Variants in TEX2 observed in about 807,000 individuals in gnomAD.
The protein encoded by TEX2 is testis expressed 2.
TEX2 carries 53 observed loss-of-function variants against 106.9 expected under a neutral mutation model. The observed-to-expected ratio is 0.50, with a 90% CI of 0.40 to 0.62. TEX2 has a LOEUF of 0.62. TEX2 is among the 20% of genes least tolerant of loss of function. The pLI is 0.00. For synonymous variants in TEX2, 523 were observed against 534.8 expected (o/e 0.98, Z 0.30); for missense variants, 1,207 against 1,379.0 (o/e 0.88, Z 1.98).
intron 1 of TEX2, among the ~76,000 whole-genome samples, chr17:64,222,432 C>T (rs537100982): frequency 5.3e-5 from 8 of 150,058 alleles, no homozygotes; most frequent in Non-Finnish European, 8.9e-5. Flanking sequence ...GGAGGAGAAT[C>T]GCTTTAACCT....
chr17:64,242,883 G>A (rs1555635891), intron 1 of TEX2, among the ~76,000 whole-genome samples: 1 of 151,590 alleles, frequency 6.6e-6, no homozygotes, highest in Admixed American at 6.6e-5. Flanking sequence ...GCCAGAGTTT[G>A]AGACTAGCCT....
rs1254834014 is a variant in TEX2, at chr17:64,153,509, C to T, written c.2931-355G>A. Among the ~76,000 whole-genome samples, 1 of 152,188 alleles carries T rather than the reference C, an allele frequency of 6.6e-6. No homozygotes were observed. Among genetic ancestry groups the T allele is most frequent in the Admixed American group, 6.5e-5 (1 of 15,274 alleles). ...TGACAATGGAGAGCTGGACAAAGTC[C>T]TCATGCAGAGGTTTCTCACCTGTCC... is the stretch of plus-strand genomic sequence containing the variant. On this transcript the variant is annotated intron_variant, in intron 9 of 11. Transcript: ENST00000584379. The surrounding 1 kb of genome is among the most constrained non-coding windows in gnomAD (Gnocchi z 4.1).
At chr17:64,247,864 A>C (rs536435308) in intron 1 of TEX2, among the ~76,000 whole-genome samples, 1 of 152,316 alleles carries the variant, frequency 6.6e-6, no homozygotes, top group Admixed American at 6.5e-5. Context: ...TCAAGGAGAC[A>C]CAGATATTTC....
intron 2 of TEX2, among the ~76,000 whole-genome samples, chr17:64,208,927 AG>A (rs1376353241): frequency 1.3e-5 from 2 of 152,180 alleles, no homozygotes; most frequent in African/African-American, 2.4e-5. Context: ...ATGCCCAGCT[AG>A]GGATTTCTTT....
intron 2 of TEX2, among the ~76,000 whole-genome samples, chr17:64,203,785 C>G (rs141600644): frequency 1.5e-4 from 23 of 152,244 alleles, no homozygotes; most frequent in African/African-American, 5.3e-4. Context: ...GGGAGGGAAG[C>G]GCCGTTAATA....
rs534450978 is a variant in TEX2 at position 64,157,616 on chromosome 17, T to C, written c.2805-2649A>G. On this transcript the variant is annotated intron_variant, in intron 8 of 11. Transcript: ENST00000584379. ...AATTAAATTAAGAAGCCCTGTGAGA[T>C]GTTTGCTTTGAGGGAGACCACACTC... Among the ~76,000 whole-genome samples the C allele has an allele frequency of 2.3e-3, 347 of 152,338 alleles. 2 individuals carry two copies. The highest frequency in any genetic ancestry group is 8.0e-3 in the African/African-American group (334 of 41,582).
chr17:64,174,051 T>C (rs2031523465), intron 6 of TEX2, among the ~76,000 whole-genome samples: 1 of 152,124 alleles, frequency 6.6e-6, no homozygotes, highest in African/African-American at 2.4e-5. Flanking sequence ...CTTACTATGT[T>C]GCCTAGTCTG....
intron 1 of TEX2, among the ~76,000 whole-genome samples, chr17:64,243,178 C>T (rs1004577820): frequency 1.3e-5 from 2 of 152,110 alleles, no homozygotes; most frequent in East Asian, 1.9e-4. Context: ...CCGCCTGCCT[C>T]GGCCTCTCAA....
chr17:64,203,907 T>G (rs1179957185), intron 2 of TEX2, among the ~76,000 whole-genome samples: 1 of 152,206 alleles, frequency 6.6e-6, no homozygotes, highest in East Asian at 1.9e-4. Context: ...TATCCTCCAG[T>G]GCAGAATCTC....
chr17:64,239,875 C>CAAAA lies in TEX2; in HGVS notation c.-26+23289_-26+23292dup, dbSNP rs61705973. ...TGGACAACAGAGTGAGACTCTGTCT[C>CAAAA]AAAAAAAAAAAAAAAAAAAAAAAAA... On this transcript the variant is annotated intron_variant, in intron 1 of 11. Coordinates refer to ENST00000584379, the MANE Select transcript of TEX2 (RefSeq NM_001288732.2). Among the ~76,000 whole-genome samples the CAAAA allele has an allele frequency of 1.3e-4, 4 of 29,650 alleles. 1 individual carries two copies. Among genetic ancestry groups the CAAAA allele is most frequent in the Admixed American group, 5.9e-4 (1 of 1,692 alleles). The allele number at this position is 29,650 out of a possible 152,430, so 19.5% of individuals were successfully genotyped here.
chr17:64,152,723 T>C (rs1205895193), intron 10 of TEX2, among the ~76,000 whole-genome samples: 1 of 152,182 alleles, frequency 6.6e-6, no homozygotes. Context: ...TGACTTTAAC[T>C]TTTCCTACCA....
rs1485039898 is a variant in TEX2, at chr17:64,150,897, C to A, written c.3205G>T (p.Val1069Leu). 1.2e-6 allele frequency: 2 copies of A among 1,613,924 alleles called. No individual in the cohort carries two copies. The highest frequency in any genetic ancestry group is 3.3e-5 in the Admixed American group (2 of 59,960). Reference sequence around the variant, plus strand: ...CAGTCTGTCACATGAACTAAAGTCACTTCTCTCTCTCCAAGTTTTGGCCGA... The same window carrying A: ...CAGTCTGTCACATGAACTAAAGTCAATTCTCTCTCTCCAAGTTTTGGCCGA... ...KARPKLGERE[V>L]TLVHVTDWIE... Residue 1069 changes from valine (V) to leucine (L), a missense_variant, in exon 11 of 12, where the codon GTG becomes TTG. Val to Leu is a conservative substitution (Grantham distance 32). Transcript: ENST00000584379.
intron 5 of TEX2, 53 bp downstream of exon 5, chr17:64,188,115 A>T: frequency 1.3e-6 from 2 of 1,576,586 alleles, no homozygotes; most frequent in Non-Finnish European, 1.7e-6. Context: ...ACGCATGAAG[A>T]AATGTGTCTA....
intron 6 of TEX2, among the ~76,000 whole-genome samples, chr17:64,176,246 T>C (rs1306879331): frequency 2.6e-5 from 4 of 152,154 alleles, no homozygotes; most frequent in African/African-American, 9.7e-5. Flanking sequence ...CAGCCAGAGC[T>C]TGACAAGGCC....
At chr17:64,154,794 G>T in intron 9 of TEX2, 48 bp downstream of exon 9, 1 of 1,514,498 alleles carries the variant, frequency 6.6e-7, no homozygotes, top group Non-Finnish European at 8.9e-7. Flanking sequence ...CCAACTTGCT[G>T]TCCTGATCCC....
At chr17:64,214,506 A>AT (rs1555632368) in intron 1 of TEX2, among the ~76,000 whole-genome samples, 1 of 152,178 alleles carries the variant, frequency 6.6e-6, no homozygotes, top group South Asian at 2.1e-4. Flanking sequence ...CTGAGTAATC[A>AT]TTTCCTCCCT....
intron 4 of TEX2, among the ~76,000 whole-genome samples, chr17:64,192,413 C>A (rs2032332498): frequency 6.6e-6 from 1 of 152,176 alleles, no homozygotes. Context: ...CGGCTGCGGG[C>A]CAAGTATTGA....
chr17:64,173,519 T>C (rs1242733732), intron 6 of TEX2, among the ~76,000 whole-genome samples: 1 of 152,170 alleles, frequency 6.6e-6, no homozygotes, highest in Non-Finnish European at 1.5e-5. Context: ...GAGAATGTAA[T>C]CTCTGATTTT....
Position 64,188,353 on chromosome 17 carries a change from T to TGCTGCG in TEX2, c.2233_2238dup (p.Arg745_Ser746dup), listed in dbSNP as rs2032159827. 3 of 1,614,084 alleles carry TGCTGCG rather than the reference T, an allele frequency of 1.9e-6. No individual in the cohort carries two copies. The highest frequency in any genetic ancestry group is 2.5e-6 in the Non-Finnish European group (3 of 1,180,044). ...ATCTCCTCCACACTGCCTTTGCTGC[T>TGCTGCG]GCTGCGGCTGTGGGTCAGGTGCCCG... On this transcript the variant is annotated inframe_insertion, in exon 5 of 12. Coordinates refer to ENST00000584379, the MANE Select transcript of TEX2 (RefSeq NM_001288732.2).
Sources: allele counts gnomAD v4.1 joint callset (sites outside exome capture counted in the v4.1 genomes callset), GRCh38; gene constraint gnomAD v4.1.1; non-coding constraint Gnocchi (gnomAD v3.1); transcripts MANE v1.5; gene names NCBI Gene and HGNC (gene_info 2026-07-23, HGNC 2026-07-21).